Variants in SORCS2 observed in about 807,000 individuals in gnomAD.
SORCS2 encodes VPS10 domain-containing receptor SorCS2.
A neutral mutation model predicts 141.6 loss-of-function variants in SORCS2; 100 were observed. The observed-to-expected ratio is 0.71, with a 90% CI of 0.60 to 0.83. The LOEUF (loss-of-function observed/expected upper bound fraction) is 0.83. Among genes scored for constraint, SORCS2 ranks in the 40% least tolerant of loss-of-function variants. SORCS2 has a pLI of 0.00. For missense variants in SORCS2, 1,646 were observed against 1,560.2 expected, an observed-to-expected ratio of 1.05 and a Z score of -0.93; for synonymous variants, 789 against 676.9, an observed-to-expected ratio of 1.17 and a Z score of -2.57.
intron 5 of SORCS2, among the ~76,000 whole-genome samples, chr4:7,660,798 G>T (rs938670227): frequency 9.2e-5 from 14 of 152,194 alleles, no homozygotes; most frequent in Non-Finnish European, 2.9e-5. Flanking sequence ...GTCGAGTGAT[G>T]GGGTAGGGGG....
chr4:7,659,810 G>A (rs1222070429), intron 5 of SORCS2, among the ~76,000 whole-genome samples: 1 of 152,192 alleles, frequency 6.6e-6, no homozygotes, highest in African/African-American at 2.4e-5. Context: ...TGAGGGTGGG[G>A]CAGCTGTACT....
At chr4:7,509,017 C>T (rs56884460) in intron 2 of SORCS2, among the ~76,000 whole-genome samples, 12,009 of 152,182 alleles carry the variant, frequency 0.079, 662 homozygotes, top group East Asian at 0.18. Context: ...GGTCACGCTG[C>T]CTCGGCACGG....
intron 2 of SORCS2, among the ~76,000 whole-genome samples, chr4:7,475,912 C>T (rs1241789648): frequency 6.6e-6 from 1 of 152,208 alleles, no homozygotes; most frequent in East Asian, 1.9e-4. Flanking sequence ...GTGCCACTGT[C>T]GTCCATGTTC....
At chr4:7,544,197 A>G (rs1172320589) in intron 3 of SORCS2, among the ~76,000 whole-genome samples, 1 of 152,118 alleles carries the variant, frequency 6.6e-6, no homozygotes, top group Non-Finnish European at 1.5e-5. Flanking sequence ...CCCTTCATCC[A>G]TCCACTCGTG....
rs1290371496 is a variant in SORCS2 at position 7,434,498 on chromosome 4, T to TGTCCGGGGCCCC, written c.548+38144_548+38155dup. ...GCTGTGCACACCTGTGCCGGGGCAC[T>TGTCCGGGGCCCC]GTCCGGGGCCCCACGGAGCATGCTC... On this transcript the variant is annotated intron_variant, in intron 2 of 26. Coordinates refer to ENST00000507866, the MANE Select transcript of SORCS2 (RefSeq NM_020777.3). 12 of 1,612,236 alleles carry TGTCCGGGGCCCC rather than the reference T, an allele frequency of 7.4e-6. No homozygotes were observed. The Admixed American group carries it at 1.5e-4, about 20-fold the overall frequency.
At chr4:7,340,003 C>T (rs929197992) in intron 1 of SORCS2, among the ~76,000 whole-genome samples, 5 of 152,194 alleles carry the variant, frequency 3.3e-5, no homozygotes, top group Non-Finnish European at 7.4e-5. Context: ...GGGGCTTGTC[C>T]GGGGTCAGAG....
chr4:7,218,090 G>T (rs1483503521), intron 1 of SORCS2, among the ~76,000 whole-genome samples: 1 of 152,182 alleles, frequency 6.6e-6, no homozygotes, highest in African/African-American at 2.4e-5. Flanking sequence ...TGCCGGATGG[G>T]TTGGGGGTCA....
chr4:7,491,735 C>T (rs185213137), intron 2 of SORCS2, among the ~76,000 whole-genome samples: 92 of 152,312 alleles, frequency 6.0e-4, no homozygotes, highest in African/African-American at 2.2e-3. Context: ...TGCACAGCAG[C>T]CCACCCACCC....
intron 11 of SORCS2, among the ~76,000 whole-genome samples, chr4:7,695,907 GA>G (rs1462862073): frequency 7.2e-6 from 1 of 139,630 alleles, no homozygotes; most frequent in Non-Finnish European, 1.6e-5. Context: ...TGGATGGATG[GA>G]TGGATGGATG....
At chr4:7,590,603 G>A (rs146551203) in intron 3 of SORCS2, among the ~76,000 whole-genome samples, 254 of 152,298 alleles carry the variant, frequency 1.7e-3, no homozygotes, top group Admixed American at 3.0e-3. Context: ...GGAGGTAGAC[G>A]TCTCCATTTT....
intron 1 of SORCS2, among the ~76,000 whole-genome samples, chr4:7,305,136 A>G (rs1717704166): frequency 6.7e-6 from 1 of 150,110 alleles, no homozygotes; most frequent in Non-Finnish European, 1.5e-5. Flanking sequence ...GGTTCGTGCC[A>G]TTCTCCTGCC....
intron 11 of SORCS2, among the ~76,000 whole-genome samples, chr4:7,692,328 A>G (rs1724310059): frequency 6.6e-6 from 1 of 152,160 alleles, no homozygotes; most frequent in African/African-American, 2.4e-5. Flanking sequence ...TCATTCCTGA[A>G]TTCCATCCCA....
chr4:7,473,476 G>A (rs1207092127), intron 2 of SORCS2, among the ~76,000 whole-genome samples: 2 of 152,198 alleles, frequency 1.3e-5, no homozygotes, highest in Non-Finnish European at 2.9e-5. Context: ...TGAGGGGCGT[G>A]CACTCCAGGC....
At chr4:7,247,659 A>G (rs1344003387) in intron 1 of SORCS2, among the ~76,000 whole-genome samples, 1 of 152,194 alleles carries the variant, frequency 6.6e-6, no homozygotes, top group Non-Finnish European at 1.5e-5. Context: ...GGTGGATGTC[A>G]AAGCCAAGGC....
chr4:7,529,055 C>T lies in SORCS2; in HGVS notation c.549-2475C>T, dbSNP rs142967401. On this transcript the variant is annotated intron_variant, in intron 2 of 26. Coordinates refer to ENST00000507866, the MANE Select transcript of SORCS2 (RefSeq NM_020777.3). ...AGGGCCCACCCTCACCCAGCATGACCTCATCTTAACTAATTGCATCTGCAG... is the reference window on the plus strand; with the variant it reads ...AGGGCCCACCCTCACCCAGCATGACTTCATCTTAACTAATTGCATCTGCAG... Among the ~76,000 whole-genome samples the T allele has an allele frequency of 2.2e-4, 33 of 152,330 alleles. No individual in the cohort carries two copies. The East Asian group carries it at 5.2e-3, about 24-fold the overall frequency.
rs1726290581 is a variant in SORCS2 at position 7,717,756 on chromosome 4, A to C, written c.2253-256A>C. 2.6e-5 allele frequency among the ~76,000 whole-genome samples: 4 copies of C among 152,218 alleles called. No individual in the cohort carries two copies. In the South Asian group the frequency reaches 8.3e-4, roughly 32 times the overall value. Reference sequence around the variant, plus strand: ...TGTGAGTAATATGATCAGACCACGGAGATGCCAGCGCCTCCGAAGCACATC... The same window carrying C: ...TGTGAGTAATATGATCAGACCACGGCGATGCCAGCGCCTCCGAAGCACATC... On this transcript the variant is annotated intron_variant, in intron 17 of 26. Transcript: ENST00000507866.
At chr4:7,717,470 G>C (rs1265874119) in intron 17 of SORCS2, among the ~76,000 whole-genome samples, 1 of 152,208 alleles carries the variant, frequency 6.6e-6, no homozygotes, top group Non-Finnish European at 1.5e-5. Flanking sequence ...TAGATGCTCA[G>C]TAAATAGGTT....
At chr4:7,218,487 C>G (rs1024878526) in intron 1 of SORCS2, among the ~76,000 whole-genome samples, 5 of 152,168 alleles carry the variant, frequency 3.3e-5, no homozygotes, top group African/African-American at 1.2e-4. Flanking sequence ...TAGATATTGG[C>G]TTTAGCCCAC....
At position 7,659,828 on chromosome 4, in the gene SORCS2, C is replaced by G. The variant is rs191257076; in HGVS notation, c.888-1672C>G. ...GGGTGGGGCAGCTGTACTTCTCCCCCCCACCACTGTCCCTTCACTGTATTA... is the reference window on the plus strand; with the variant it reads ...GGGTGGGGCAGCTGTACTTCTCCCCGCCACCACTGTCCCTTCACTGTATTA... On this transcript the variant is annotated intron_variant, in intron 5 of 26. Transcript: ENST00000507866. Among the ~76,000 whole-genome samples the G allele has an allele frequency of 1.6e-3, 248 of 152,314 alleles. 3 individuals are homozygous for G. The highest frequency in any genetic ancestry group is 0.014 in the Admixed American group (207 of 15,308).
Sources: allele counts gnomAD v4.1 joint callset (sites outside exome capture counted in the v4.1 genomes callset), GRCh38; gene constraint gnomAD v4.1.1; transcripts MANE v1.5; gene names NCBI Gene and HGNC (gene_info 2026-07-23, HGNC 2026-07-21).